The following ZNF444 variants were observed in gnomAD, a reference collection of about 807,000 sequenced individuals.
ZNF444 encodes the protein zinc finger protein 444.
ZNF444 carries 8 observed loss-of-function variants against 14.4 expected under a neutral mutation model. The ratio of observed to expected loss-of-function variants is 0.56; its 90% CI spans 0.33 to 1.00. The LOEUF is 1.00. Among genes scored for constraint, ZNF444 ranks in the 50% least tolerant of loss-of-function variants. The pLI is 0.03. For synonymous variants in ZNF444, 258 were observed against 235.9 expected (o/e 1.09, Z -0.86); for missense variants, 510 against 504.8 (o/e 1.01, Z -0.10).
chr19:56,140,826 C>A (rs1344682808), upstream of ZNF444: 1 of 152,252 alleles, frequency 6.6e-6, no homozygotes, highest in East Asian at 1.9e-4. Context: ...AAATGCCCGG[C>A]GGTGCCCGGC....
rs2123476168 is a variant in ZNF444 at position 56,144,853 on chromosome 19, G to T, written c.-196-1394G>T. Among the ~76,000 whole-genome samples the T allele has an allele frequency of 6.6e-6, 1 of 152,358 alleles. No individual in the cohort carries two copies. The highest frequency in any genetic ancestry group is 6.5e-5 in the Admixed American group (1 of 15,302). ...CCATAATACTCCAGAGGTGTTCTGG[G>T]GCGGGCTGGCGCCTGAGCCCCATGG... On this transcript the variant is annotated intron_variant, in intron 1 of 4. Coordinates refer to ENST00000337080, the MANE Select transcript of ZNF444 (RefSeq NM_018337.4). This position sits in a 1 kb window ranked among gnomAD's most constrained non-coding sequence, Gnocchi z 4.0.
At position 56,160,437 on chromosome 19, in the gene ZNF444, CGGCCTCTCTCTCTGTGTGAAGG is replaced by C; in HGVS notation, c.*245_*266del. 2.1e-6 allele frequency: 1 copy of C among 475,356 alleles called. No individual in the cohort carries two copies. Among genetic ancestry groups the C allele is most frequent in the Non-Finnish European group, 3.7e-6 (1 of 271,778 alleles). 29.4% of individuals were successfully genotyped at this position (475,356 alleles called of 1,614,324 possible). A position where few individuals can be genotyped will look rare whatever the true frequency, so the allele number is the denominator to read the frequency against. Reference sequence around the variant, plus strand: ...AGCCCCCCCCTTCTCCCTGATTTCTCGGCCTCTCTCTCTGTGTGAAGGGGCCTCTCCCTAATGTCTCCTCCTT... The same window carrying C: ...AGCCCCCCCCTTCTCCCTGATTTCTCGGCCTCTCCCTAATGTCTCCTCCTT... On this transcript the variant is annotated 3_prime_UTR_variant, in exon 5 of 5. Transcript: ENST00000337080.
chr19:56,154,774 G>A (rs566973620), intron 3 of ZNF444: 3 of 150,304 alleles, frequency 2.0e-5, no homozygotes, highest in Non-Finnish European at 4.4e-5. Context: ...GGGATCCTCA[G>A]CAGAACATCA....
At chr19:56,159,153 A>C (rs1256735989) in intron 4 of ZNF444, among the ~76,000 whole-genome samples, 14 of 150,618 alleles carry the variant, frequency 9.3e-5, no homozygotes, top group Admixed American at 9.3e-4. Context: ...CCACCCATCC[A>C]TCATCTGTAC....
intron 3 of ZNF444, chr19:56,157,055 C>G (rs1490964462): frequency 6.6e-6 from 1 of 152,370 alleles, no homozygotes; most frequent in Non-Finnish European, 1.5e-5. Flanking sequence ...CAGGACAGCA[C>G]CCCTGCCCAG....
chr19:56,141,208 T>C (rs938637699), upstream of ZNF444: 8 of 127,278 alleles, frequency 6.3e-5, no homozygotes, highest in African/African-American at 9.1e-5. Flanking sequence ...GGGGAGTTGT[T>C]GGGCTGAACG....
chr19:56,134,899 G>T (rs967705479), intron 1 of ZNF444, among the ~76,000 whole-genome samples: 1 of 151,808 alleles, frequency 6.6e-6, no homozygotes, highest in African/African-American at 2.4e-5. Context: ...GGAGGATCTC[G>T]TGAGGCCAGG....
intron 1 of ZNF444, chr19:56,141,883 G>A (rs1484478743): frequency 6.6e-6 from 1 of 152,120 alleles, no homozygotes; most frequent in Non-Finnish European, 1.5e-5. Context: ...GCTTCTACAA[G>A]TGCAACTTTT....
Position 56,159,889 on chromosome 19 carries a change from C to CCACCGCGACACG in ZNF444, c.677_688dup (p.Arg226_His229dup). The CCACCGCGACACG allele has an allele frequency of 6.6e-7, 1 of 1,525,890 alleles. No individual in the cohort carries two copies. Among genetic ancestry groups the CCACCGCGACACG allele is most frequent in the Non-Finnish European group, 8.8e-7 (1 of 1,142,074 alleles). The allele number at this position is 1,525,890 out of a possible 1,614,324, so 94.5% of individuals were successfully genotyped here. A position where few individuals can be genotyped will look rare whatever the true frequency, so the allele number is the denominator to read the frequency against. On this transcript the variant is annotated inframe_insertion, in exon 5 of 5. Transcript: ENST00000337080. ...TTCGGCGCAAGGAGCACCTGCGGCG[C>CCACCGCGACACG]CACCGCGACACGCACCCCGGCAGCC...
At chr19:56,142,522 G>GGC (rs1243018611) in intron 1 of ZNF444, 1 of 152,204 alleles carries the variant, frequency 6.6e-6, no homozygotes, top group Non-Finnish European at 1.5e-5. Context: ...CATGAAAAGA[G>GGC]GCAGAGATGC....
intron 2 of ZNF444, among the ~76,000 whole-genome samples, 180 bp downstream of exon 2, chr19:56,146,600 G>A (rs561948169): frequency 1.7e-4 from 26 of 152,152 alleles, no homozygotes; most frequent in Non-Finnish European, 3.2e-4. Flanking sequence ...GATCAGCCTG[G>A]CCAACATGGT....
intron 3 of ZNF444, among the ~76,000 whole-genome samples, chr19:56,153,669 C>T (rs577863029): frequency 3.3e-5 from 5 of 152,272 alleles, no homozygotes; most frequent in East Asian, 3.9e-4. Context: ...TAGTTTAAGA[C>T]GGATGGGGGC....
rs760544971 is a variant in ZNF444, at chr19:56,160,710, G to T, written c.*509G>T. On this transcript the variant is annotated 3_prime_UTR_variant, in exon 5 of 5. Transcript: ENST00000337080. ...TCCTCCCTCAGGAGATTGGGGGTTG[G>T]GGGAGGCAGCGGGTGATGGCTCTGA... 6.7e-6 allele frequency: 1 copy of T among 150,136 alleles called. No homozygotes were observed. The highest frequency in any genetic ancestry group is 2.1e-4 in the South Asian group (1 of 4,868). 9.3% of individuals were successfully genotyped at this position (150,136 alleles called of 1,614,324 possible).
At chr19:56,140,978 C>T (rs1368009690), upstream of ZNF444, 6 of 152,236 alleles carry the variant, frequency 3.9e-5, no homozygotes, top group African/African-American at 1.2e-4. Context: ...TAGTCCAAAG[C>T]CTGTCGCGCT....
At position 56,160,315 on chromosome 19, in the gene ZNF444, C is replaced by A; in HGVS notation, c.*114C>A. 2 of 812,840 alleles carry A rather than the reference C, an allele frequency of 2.5e-6. No homozygotes were observed. The highest frequency in any genetic ancestry group is 3.5e-6 in the Non-Finnish European group (2 of 565,406). The allele number at this position is 812,840 out of a possible 1,614,324, so 50.4% of individuals were successfully genotyped here. ...CCTCCTTCCCTCCCATCGTCCTCCT[C>A]CACCTGCGCCTCCCTTGTCTGAACT... On this transcript the variant is annotated 3_prime_UTR_variant, in exon 5 of 5. Coordinates refer to ENST00000337080, the MANE Select transcript of ZNF444 (RefSeq NM_018337.4).
intron 3 of ZNF444, chr19:56,157,438 C>G (rs1348460201): frequency 1.3e-5 from 2 of 152,092 alleles, no homozygotes; most frequent in African/African-American, 4.8e-5. Flanking sequence ...GAGTCTCACT[C>G]TGTTGCCCAG....
intron 4 of ZNF444, 30 bp downstream of exon 4, chr19:56,158,632 G>A (rs1177918069): frequency 2.0e-5 from 31 of 1,566,230 alleles, no homozygotes; most frequent in East Asian, 9.4e-5. Flanking sequence ...GGTTCTCCCC[G>A]CCAGCCCCCA....
upstream of ZNF444, among the ~76,000 whole-genome samples, chr19:56,140,560 C>T (rs921409343): frequency 6.6e-6 from 1 of 152,130 alleles, no homozygotes; most frequent in African/African-American, 2.4e-5. Flanking sequence ...AGAGCCAAAC[C>T]GAGGCCCCCG....
chr19:56,141,071 G>A (rs2030763751), upstream of ZNF444: 1 of 152,120 alleles, frequency 6.6e-6, no homozygotes, highest in South Asian at 2.1e-4. Context: ...TGTAGTTCCA[G>A]TGTTGGCGAA....
Sources: gnomAD v4.1 joint callset for allele counts (sites outside exome capture counted in the v4.1 genomes callset) on GRCh38, gnomAD v4.1.1 for gene constraint, Gnocchi (gnomAD v3.1) non-coding constraint, MANE v1.5 for transcripts, NCBI Gene and HGNC (gene_info 2026-07-23, HGNC 2026-07-21) for gene names.